DOCK1: variants seen among roughly 807,000 people sequenced by gnomAD.
DOCK1 encodes the protein dedicator of cytokinesis 1, also known as dedicator of cytokinesis protein 1.
Under a neutral mutation model 262.7 loss-of-function variants are expected in DOCK1, and 138 were observed. The ratio of observed to expected loss-of-function variants is 0.53; its 90% CI spans 0.46 to 0.61. The LOEUF (loss-of-function observed/expected upper bound fraction) is 0.61, where lower values mean the gene tolerates loss of function less well. DOCK1 is among the 20% of genes least tolerant of loss of function. The pLI is 0.00. For missense variants in DOCK1, 1,908 were observed against 2,370.7 expected (o/e 0.80, Z 4.05); for synonymous variants, 866 against 867.4 (o/e 1.00, Z 0.03).
At chr10:126,979,374 G>C (rs753414701) in intron 3 of DOCK1, among the ~76,000 whole-genome samples, 20 of 152,084 alleles carry the variant, frequency 1.3e-4, no homozygotes, top group Non-Finnish European at 2.6e-4. Context: ...AAAATAGTGT[G>C]TATCTGCAGA....
chr10:127,245,000 T>A (rs1161093395), intron 27 of DOCK1, among the ~76,000 whole-genome samples: 1 of 152,220 alleles, frequency 6.6e-6, no homozygotes, highest in African/African-American at 2.4e-5. Context: ...CAGAGCTCGC[T>A]CACTTTTGTT....
At chr10:127,321,716 T>TC (rs200998707) in intron 29 of DOCK1, among the ~76,000 whole-genome samples, 1 of 125,672 alleles carries the variant, frequency 8.0e-6, no homozygotes, top group Non-Finnish European at 1.6e-5. Flanking sequence ...GCCAAACCCC[T>TC]CCCCCCGCCG....
chr10:127,113,184 T>A (rs2048970455), intron 25 of DOCK1, among the ~76,000 whole-genome samples: 1 of 152,184 alleles, frequency 6.6e-6, no homozygotes, highest in South Asian at 2.1e-4. Context: ...TCCTGTTTCC[T>A]GATCCCAGTG....
chr10:126,934,905 A>T (rs2034463146), intron 1 of DOCK1, among the ~76,000 whole-genome samples: 1 of 152,060 alleles, frequency 6.6e-6, no homozygotes. Flanking sequence ...TCATGAGGTC[A>T]GGAGACCATC....
Position 127,238,331 on chromosome 10 carries a change from T to G in DOCK1, c.2848-9677T>G, listed in dbSNP as rs147911661. 5.2e-4 allele frequency among the ~76,000 whole-genome samples: 79 copies of G among 152,308 alleles called. No homozygotes were observed. The East Asian group carries it at 0.014, about 28-fold the overall frequency. On this transcript the variant is annotated intron_variant, in intron 27 of 51. Transcript: ENST00000623213. ...TAGCATTCTACCTAAAGGCCCATAC[T>G]ATAATTAGGAAGAATCTATAGGGTG...
Position 126,995,506 on chromosome 10 carries a change from G to A in DOCK1, c.474-1242G>A, listed in dbSNP as rs1316704568. Among the ~76,000 whole-genome samples, 3 of 152,210 alleles carry A rather than the reference G, an allele frequency of 2.0e-5. No homozygotes were observed. Among genetic ancestry groups the A allele is most frequent in the Non-Finnish European group, 2.9e-5 (2 of 68,052 alleles). On this transcript the variant is annotated intron_variant, in intron 6 of 51. Transcript: ENST00000623213. The surrounding 1 kb of genome is among the most constrained non-coding windows in gnomAD (Gnocchi z 5.8). ...AATACGAAAACCAGTCAGGTGTGGC[G>A]GCGCGCGCCTGCAATCCCAGGCACT...
intron 29 of DOCK1, among the ~76,000 whole-genome samples, chr10:127,321,524 C>T (rs2062527889): frequency 6.6e-6 from 1 of 151,714 alleles, no homozygotes. Context: ...ACAAAATGTA[C>T]CTTCAACTCT....
At chr10:127,063,126 C>T (rs534803203) in intron 23 of DOCK1, among the ~76,000 whole-genome samples, 1 of 152,340 alleles carries the variant, frequency 6.6e-6, no homozygotes, top group South Asian at 2.1e-4. Flanking sequence ...GCACTAATTC[C>T]TTCAAAGAAC....
At chr10:126,928,245 A>T (rs965652958) in intron 1 of DOCK1, among the ~76,000 whole-genome samples, 3 of 152,254 alleles carry the variant, frequency 2.0e-5, no homozygotes, top group Non-Finnish European at 4.4e-5. Flanking sequence ...AGCTCGTGGG[A>T]CCCATCTCCC....
rs548525438 is a variant in DOCK1 at position 127,268,455 on chromosome 10, G to A, written c.3044+11026G>A. 1.9e-4 allele frequency among the ~76,000 whole-genome samples: 23 copies of A among 123,086 alleles called. No homozygotes were observed. In the East Asian group the frequency reaches 3.0e-3, roughly 16 times the overall value. The allele number at this position is 123,086 out of a possible 152,430, so 80.7% of individuals were successfully genotyped here. ...GCGGAGGTTGCAGTGAGCCGAGATCGTGCCACTGCACTCCATCCAGCCTGG... is the reference window on the plus strand; with the variant it reads ...GCGGAGGTTGCAGTGAGCCGAGATCATGCCACTGCACTCCATCCAGCCTGG... On this transcript the variant is annotated intron_variant, in intron 29 of 51. Transcript: ENST00000623213.
chr10:127,042,620 TG>T lies in DOCK1; in HGVS notation c.2011-4del. 4 of 1,614,028 alleles carry T rather than the reference TG, an allele frequency of 2.5e-6. No individual in the cohort carries two copies. Among genetic ancestry groups the T allele is most frequent in the Non-Finnish European group, 3.4e-6 (4 of 1,179,874 alleles). ...ATTGTCACCCGACCTTCTGTGTCTA[TG>T]CAGTTTCTTCAGGACACGTTGGATG... On this transcript the variant is annotated splice_region_variant and splice_polypyrimidine_tract_variant and intron_variant, in intron 19 of 51. Transcript: ENST00000623213.
At chr10:127,298,318 AAGTG>A (rs2061570305) in intron 29 of DOCK1, among the ~76,000 whole-genome samples, 1 of 152,188 alleles carries the variant, frequency 6.6e-6, no homozygotes, top group South Asian at 2.1e-4. Flanking sequence ...ATTAATTAGA[AAGTG>A]AGTCCCCTAT....
At chr10:127,376,986 A>G (rs1221514142) in intron 35 of DOCK1, among the ~76,000 whole-genome samples, 1 of 152,214 alleles carries the variant, frequency 6.6e-6, no homozygotes, top group Non-Finnish European at 1.5e-5. Context: ...GTGCCCACGT[A>G]CTTTTACTGT....
At chr10:127,201,136 C>G (rs530346613) in intron 27 of DOCK1, among the ~76,000 whole-genome samples, 1 of 152,338 alleles carries the variant, frequency 6.6e-6, no homozygotes, top group Non-Finnish European at 1.5e-5. Context: ...AAGAACAAGA[C>G]AGACACAATC....
chr10:127,362,747 T>C (rs1382177933), intron 33 of DOCK1, among the ~76,000 whole-genome samples: 2 of 151,614 alleles, frequency 1.3e-5, no homozygotes, highest in Non-Finnish European at 2.9e-5. Flanking sequence ...GCATAACTTA[T>C]GCTCAAGAAG....
At chr10:127,417,555 C>T (rs896158944) in intron 44 of DOCK1, among the ~76,000 whole-genome samples, 3 of 152,174 alleles carry the variant, frequency 2.0e-5, no homozygotes, top group Non-Finnish European at 4.4e-5. Flanking sequence ...TTCCTCCCGA[C>T]CCCAGGGGCC....
At chr10:127,319,922 G>A (rs1175362826) in intron 29 of DOCK1, among the ~76,000 whole-genome samples, 1 of 152,202 alleles carries the variant, frequency 6.6e-6, no homozygotes, top group Non-Finnish European at 1.5e-5. Context: ...GCTAGCCTTT[G>A]TCCAGTGGTC....
In DOCK1 at chr10:127,343,722, C is replaced by G; in HGVS notation, c.3200C>G (p.Ala1067Gly). 6.2e-7 allele frequency: 1 copy of G among 1,608,914 alleles called. No individual in the cohort carries two copies. Among genetic ancestry groups the G allele is most frequent in the Non-Finnish European group, 8.5e-7 (1 of 1,177,718 alleles). ...ESLQLENFSS[A>G]KRAKILNKYG... is the part of the protein sequence containing the mutation. Reference sequence around the variant, plus strand: ...CTGCAACTGGAGAATTTTTCAAGTGCCAAGAGAGCCAAAATCCTTAACAAG... The same window carrying G: ...CTGCAACTGGAGAATTTTTCAAGTGGCAAGAGAGCCAAAATCCTTAACAAG... Residue 1067 changes from alanine to glycine, a missense_variant, in exon 31 of 52, where the codon GCC becomes GGC. By Grantham distance (60) the Ala-to-Gly change is moderately conservative. Around this residue, in one of 9 missense-constraint regions of DOCK1, gnomAD observed 518 missense variants for 575.1 expected, o/e 0.90. Coordinates refer to ENST00000623213, the MANE Select transcript of DOCK1 (RefSeq NM_001290223.2).
intron 31 of DOCK1, among the ~76,000 whole-genome samples, chr10:127,349,303 C>T (rs1013148121): frequency 6.6e-6 from 1 of 152,000 alleles, no homozygotes; most frequent in African/African-American, 2.4e-5. Flanking sequence ...GGGTATTCAG[C>T]TCCCTAGATG....
Sources: allele counts gnomAD v4.1 joint callset (sites outside exome capture counted in the v4.1 genomes callset), GRCh38; gene constraint gnomAD v4.1.1; regional missense constraint gnomAD v4.1.1; non-coding constraint Gnocchi (gnomAD v3.1); transcripts MANE v1.5; gene names NCBI Gene and HGNC (gene_info 2026-07-23, HGNC 2026-07-21).